TNFRSF18: variants seen among roughly 807,000 people sequenced by gnomAD.
TNFRSF18 encodes the protein TNF receptor superfamily member 18.
A neutral mutation model predicts 30.2 loss-of-function variants in TNFRSF18; 36 were observed. The ratio of observed to expected loss-of-function variants is 1.19; its 90% CI spans 0.91 to 1.58. The LOEUF (loss-of-function observed/expected upper bound fraction) is 1.58. Ranked by LOEUF, TNFRSF18 falls within the 40% of genes most tolerant of loss-of-function variation. The pLI, the probability that TNFRSF18 is intolerant of heterozygous loss-of-function variation, is 0.00. For missense variants in TNFRSF18, 369 were observed against 345.4 expected (o/e 1.07, Z -0.54); for synonymous variants, 173 against 158.3 (o/e 1.09, Z -0.70).
Position 1,203,876 on chromosome 1 carries a change from C to T in TNFRSF18, c.694G>A (p.Glu232Lys), listed in dbSNP as rs748441612. The change falls in exon 5 of 5, where the codon GAG becomes AAG. Residue 232 changes from glutamate (E) to lysine (K), a missense_variant. Physicochemically the swap from Glu to Lys is moderately conservative, Grantham distance 56. Coordinates refer to ENST00000379268, the MANE Select transcript of TNFRSF18 (RefSeq NM_004195.3). Reference sequence around the variant, plus strand: ...CACAGGTCTCCCAGCCGCCCCTTCTCCTCTGCCGATCGCTCGCCCCGCTCT... The same window carrying T: ...CACAGGTCTCCCAGCCGCCCCTTCTTCTCTGCCGATCGCTCGCCCCGCTCT... ...EEERGERSAE[E>K]KGRLGDLWV 1 of 1,602,630 alleles carries T rather than the reference C, an allele frequency of 6.2e-7. No individual in the cohort carries two copies. The highest frequency in any genetic ancestry group is 2.2e-5 in the East Asian group (1 of 44,702).
intron 2 of TNFRSF18, among the ~76,000 whole-genome samples, 179 bp from the exon 3 acceptor site, chr1:1,204,665 G>A (rs142025707): frequency 1.9e-3 from 288 of 152,286 alleles, no homozygotes; most frequent in Non-Finnish European, 3.2e-3. Flanking sequence ...ATGTCTGCCC[G>A]TCCCAGGTGG....
Position 1,203,640 on chromosome 1 carries a change from T to A in TNFRSF18, c.*204A>T. ...AGCAAGGGAGGAAGGGGGCCATGAC[T>A]GTGTCTCTCTCTCCCTCCTGCAGGG... On this transcript the variant is annotated 3_prime_UTR_variant, in exon 5 of 5. Coordinates refer to ENST00000379268, the MANE Select transcript of TNFRSF18 (RefSeq NM_004195.3). 6.5e-7 allele frequency: 1 copy of A among 1,546,762 alleles called. No individual in the cohort carries two copies. Among genetic ancestry groups the A allele is most frequent in the Non-Finnish European group, 8.7e-7 (1 of 1,154,910 alleles).
rs1648848896 is a variant in TNFRSF18 at position 1,206,527 on chromosome 1, G to C, written c.45C>G (p.Gly15=). The C allele has an allele frequency of 2.0e-6, 3 of 1,531,760 alleles. No individual in the cohort carries two copies. The highest frequency in any genetic ancestry group is 1.4e-5 in the African/African-American group (1 of 71,180). The allele number at this position is 1,531,760 out of a possible 1,614,324, so 94.9% of individuals were successfully genotyped here. The change falls in exon 1 of 5, where the codon GGC becomes GGG. Residue 15 remains glycine, a synonymous_variant. Coordinates refer to ENST00000379268, the MANE Select transcript of TNFRSF18 (RefSeq NM_004195.3). ...GAMGAFRALC[G]LALLCALSLG... is the part of the protein sequence containing the mutation. The stretch of plus-strand genomic sequence containing the variant: ...GGCTGAGCGCGCACAGCAGCGCCAG[G>C]CCGCACAGGGCCCGAAACGCGCCCA...
Position 1,203,940 on chromosome 1 carries a change from C to T in TNFRSF18, c.630G>A (p.Pro210=), listed in dbSNP as rs200096730. ...GGCAGCTTCTGGCGTCTTCGGTCGA[C>T]GGCGGCACCTCCAGCAGCAGCTGGG... ...RETQLLLEVP[P]STEDARSCQF... The change falls in exon 5 of 5, where the codon CCG becomes CCA. Residue 210 remains proline, a synonymous_variant. Transcript: ENST00000379268. The T allele has an allele frequency of 2.3e-4, 373 of 1,607,266 alleles. No homozygotes were observed. In the Middle Eastern group the frequency reaches 3.1e-3, roughly 14 times the overall value.
chr1:1,205,662 C>T (rs997012629), intron 1 of TNFRSF18, 170 bp from the exon 2 acceptor site: 7 of 695,246 alleles, frequency 1.0e-5, no homozygotes, highest in Non-Finnish European at 1.4e-5. Flanking sequence ...ATCCAGCTGT[C>T]TCTTTCTCCT....
Position 1,203,636 on chromosome 1 carries a change from T to C in TNFRSF18, c.*208A>G, listed in dbSNP as rs771373134. 13 of 1,545,912 alleles carry C rather than the reference T, an allele frequency of 8.4e-6. No individual in the cohort carries two copies. The highest frequency in any genetic ancestry group is 1.1e-5 in the Non-Finnish European group (13 of 1,154,730). ...GGCCAGCAAGGGAGGAAGGGGGCCA[T>C]GACTGTGTCTCTCTCTCCCTCCTGC... On this transcript the variant is annotated 3_prime_UTR_variant, in exon 5 of 5. Coordinates refer to ENST00000379268, the MANE Select transcript of TNFRSF18 (RefSeq NM_004195.3).
At chr1:1,204,376 G>A (rs757220334) in intron 3 of TNFRSF18, 23 bp downstream of exon 3, 45 of 1,609,972 alleles carry the variant, frequency 2.8e-5, no homozygotes, top group Non-Finnish European at 3.6e-5. Flanking sequence ...CCCGGCCACC[G>A]GCAGGGCCCA....
Position 1,205,316 on chromosome 1 carries a change from C to T in TNFRSF18, c.310+54G>A, listed in dbSNP as rs906509026. On this transcript the variant is annotated intron_variant, in intron 2 of 4. Coordinates refer to ENST00000379268, the MANE Select transcript of TNFRSF18 (RefSeq NM_004195.3). ...CTGTGCCCACGAGCTCTGCCTCGGG[C>T]CCTAGTGGAACCCCTGGCCTGTGTG... is the stretch of plus-strand genomic sequence containing the variant. The T allele has an allele frequency of 6.3e-6, 10 of 1,584,268 alleles. No individual in the cohort carries two copies. The Admixed American group carries it at 9.0e-5, about 14-fold the overall frequency.
At chr1:1,205,252 G>C in intron 2 of TNFRSF18, 118 bp downstream of exon 2, 1 of 1,473,900 alleles carries the variant, frequency 6.8e-7, no homozygotes, top group East Asian at 2.5e-5. Flanking sequence ...GGCCTCACAG[G>C]ACTCCGGACC....
rs150875122 is a variant in TNFRSF18, at chr1:1,204,149, C to T, written c.486G>A (p.Pro162=). 4.6e-4 allele frequency: 738 copies of T among 1,612,078 alleles called. No individual in the cohort carries two copies. The highest frequency in any genetic ancestry group is 7.5e-4 in the Admixed American group (45 of 59,918). The change falls in exon 4 of 5, where the codon CCG becomes CCA. Residue 162 remains proline (P), a synonymous_variant. Coordinates refer to ENST00000379268, the MANE Select transcript of TNFRSF18 (RefSeq NM_004195.3). ...GGAGGACGACGGTCAGCCACCCAAG[C>T]GGCTCTGCCGGCGGGGACCCTGGGA... ...VCVPGSPPAE[P]LGWLTVVLLA...
Position 1,203,665 on chromosome 1 carries a change from G to T in TNFRSF18, c.*179C>A. The T allele has an allele frequency of 6.5e-7, 1 of 1,549,370 alleles. No individual in the cohort carries two copies. The highest frequency in any genetic ancestry group is 1.2e-5 in the South Asian group (1 of 82,012). The stretch of plus-strand genomic sequence containing the variant: ...TGTGTCTCTCTCTCCCTCCTGCAGG[G>T]CCCAGCCGCGGCCGCCGAACTGCAT... On this transcript the variant is annotated 3_prime_UTR_variant, in exon 5 of 5. Coordinates refer to ENST00000379268, the MANE Select transcript of TNFRSF18 (RefSeq NM_004195.3).
In TNFRSF18 at chr1:1,204,434, G is replaced by A. The variant is rs542243245; in HGVS notation, c.363C>T (p.Ser121=). The A allele has an allele frequency of 2.4e-5, 39 of 1,612,694 alleles. No homozygotes were observed. In the East Asian group the frequency reaches 2.9e-4, roughly 12 times the overall value. The change falls in exon 3 of 5, where the codon TCC becomes TCT. Residue 121 remains serine, a synonymous_variant. Transcript: ENST00000379268. ...QCIDCASGTF[S]GGHEGHCKPW... Reference sequence around the variant, plus strand: ...GTTTGCAGTGGCCTTCGTGGCCCCCGGAGAAGGTCCCCGAGGCACAGTCGA... The same window carrying A: ...GTTTGCAGTGGCCTTCGTGGCCCCCAGAGAAGGTCCCCGAGGCACAGTCGA...
Position 1,204,486 on chromosome 1 carries a change from C to T in TNFRSF18, c.311G>A (p.Gly104Glu), listed in dbSNP as rs546959068. 1.8e-5 allele frequency: 28 copies of T among 1,516,624 alleles called. No individual in the cohort carries two copies. The highest frequency in any genetic ancestry group is 1.6e-4 in the Admixed American group (9 of 57,552). The allele number at this position is 1,516,624 out of a possible 1,614,324, so 93.9% of individuals were successfully genotyped here. ...CPPGQGVQSQ[G>E]KFSFGFQCID... ...ACACTGGAAGCCAAAACTGAATTTC[C>T]CTGGTGTGGGGTGTGGGGGGAGGGA... is the stretch of plus-strand genomic sequence containing the variant. The change falls in exon 3 of 5, where the codon GGG becomes GAG. Residue 104 changes from glycine (G) to glutamate (E), a missense_variant and splice_region_variant. Coordinates refer to ENST00000379268, the MANE Select transcript of TNFRSF18 (RefSeq NM_004195.3).
In TNFRSF18 at chr1:1,205,397, G is replaced by A. The variant is rs757790055; in HGVS notation, c.283C>T (p.Pro95Ser). 28 of 1,612,412 alleles carry A rather than the reference G, an allele frequency of 1.7e-5. No individual in the cohort carries two copies. The Admixed American group carries it at 4.7e-4, about 27-fold the overall frequency. Residue 95 changes from proline to serine, a missense_variant, in exon 2 of 5, where the codon CCC (proline) becomes TCC (serine). By Grantham distance (74) the Pro-to-Ser change is moderately conservative (BLOSUM62 -1). Coordinates refer to ENST00000379268, the MANE Select transcript of TNFRSF18 (RefSeq NM_004195.3). The stretch of plus-strand genomic sequence containing the variant: ...TGGGACTGTACCCCCTGGCCTGGGG[G>A]ACAAGGGTGGTGCCGGCAGGTCGTG... Reference protein sequence around the residue: ...CCTTCRHHPCPPGQGVQSQGK... With the variant: ...CCTTCRHHPCSPGQGVQSQGK...
At chr1:1,204,658 T>A (rs1207007185) in intron 2 of TNFRSF18, among the ~76,000 whole-genome samples, 172 bp from the exon 3 acceptor site, 2 of 152,166 alleles carry the variant, frequency 1.3e-5, no homozygotes, top group Non-Finnish European at 2.9e-5. Context: ...GGGGCCCATG[T>A]CTGCCCGTCC....
intron 1 of TNFRSF18, 180 bp from the exon 2 acceptor site, chr1:1,205,672 T>C: frequency 1.5e-6 from 1 of 655,270 alleles, no homozygotes; most frequent in Non-Finnish European, 2.6e-6. Context: ...CTCTTTCTCC[T>C]GGGGCCATGT....
At chr1:1,204,938 C>T (rs1202547944) in intron 2 of TNFRSF18, among the ~76,000 whole-genome samples, 1 of 152,200 alleles carries the variant, frequency 6.6e-6, no homozygotes, top group African/African-American at 2.4e-5. Context: ...CCCAGCCTGA[C>T]CTCTCCTGTC....
chr1:1,204,544 TGAG>T (rs1424483534), intron 2 of TNFRSF18, 58 bp from the exon 3 acceptor site: 71 of 1,407,614 alleles, frequency 5.0e-5, no homozygotes, highest in Non-Finnish European at 2.0e-6. Context: ...CTGGGATGGA[TGAG>T]GAGGGCGTCA....
intron 1 of TNFRSF18, 35 bp downstream of exon 1, chr1:1,206,350 G>A (rs1242830469): frequency 5.2e-6 from 8 of 1,540,904 alleles, no homozygotes; most frequent in Non-Finnish European, 7.0e-6. Context: ...GGGACGCCTT[G>A]GCCGGTCCGC....
Sources: allele counts gnomAD v4.1 joint callset (sites outside exome capture counted in the v4.1 genomes callset), GRCh38; gene constraint gnomAD v4.1.1; transcripts MANE v1.5; gene names NCBI Gene and HGNC (gene_info 2026-07-23, HGNC 2026-07-21).